Variants in NRXN3 observed in about 807,000 individuals in gnomAD.
NRXN3 encodes the protein neurexin III.
A neutral mutation model predicts 137.6 loss-of-function variants in NRXN3; 32 were observed. The ratio of observed to expected loss-of-function variants is 0.23; its 90% confidence interval spans 0.18 to 0.31. NRXN3 has a LOEUF of 0.31. Among genes scored for constraint, NRXN3 ranks in the 10% least tolerant of loss-of-function variants. The pLI is 1.00. For missense variants in NRXN3, 1,574 were observed against 2,062.5 expected (o/e 0.76, Z 4.59); for synonymous variants, 798 against 784.5 (o/e 1.02, Z -0.29).
At chr14:79,806,879 T>C (rs2099207917) in intron 20 of NRXN3, among the ~76,000 whole-genome samples, 1 of 143,638 alleles carries the variant, frequency 7.0e-6, no homozygotes, top group African/African-American at 2.5e-5. Flanking sequence ...CAATCCTCAA[T>C]ACGTACATTA....
At chr14:79,707,747 G>C (rs1010566713) in intron 19 of NRXN3, among the ~76,000 whole-genome samples, 2 of 152,110 alleles carry the variant, frequency 1.3e-5, no homozygotes, top group African/African-American at 4.8e-5. Context: ...AGAAAAGAAA[G>C]TTTTATTTTA....
At chr14:79,076,569 CTT>C (rs1411631103) in intron 15 of NRXN3, among the ~76,000 whole-genome samples, 1 of 152,128 alleles carries the variant, frequency 6.6e-6, no homozygotes, top group East Asian at 1.9e-4. Flanking sequence ...TAATAGCTGT[CTT>C]TGATTGAGGG....
intron 15 of NRXN3, among the ~76,000 whole-genome samples, chr14:79,452,505 T>C (rs557126494): frequency 6.6e-6 from 1 of 152,250 alleles, no homozygotes; most frequent in African/African-American, 2.4e-5. Context: ...CACAGCGTGA[T>C]TTTGTGAATA....
At position 79,829,601 on chromosome 14, in the gene NRXN3, G is replaced by A. The variant is rs547796788; in HGVS notation, c.4093+24411G>A. ...ATAAATGAATTGTTTAATTACCCACGCATGATCAATGTGTGCACTGCCATA... is the reference window on the plus strand; with the variant it reads ...ATAAATGAATTGTTTAATTACCCACACATGATCAATGTGTGCACTGCCATA... On this transcript the variant is annotated intron_variant, in intron 20 of 20. Coordinates refer to ENST00000335750, the MANE Select transcript of NRXN3 (RefSeq NM_001330195.2). Among the ~76,000 whole-genome samples the A allele has an allele frequency of 7.9e-5, 12 of 152,262 alleles. 1 individual carries two copies. The South Asian group carries it at 8.3e-4, about 11-fold the overall frequency.
chr14:79,743,872 A>T (rs2098970771), intron 19 of NRXN3, among the ~76,000 whole-genome samples: 1 of 152,198 alleles, frequency 6.6e-6, no homozygotes, highest in African/African-American at 2.4e-5. Context: ...GGCCCTCACT[A>T]GGAAAAATAT....
At chr14:79,291,171 C>T (rs2083129326) in intron 15 of NRXN3, among the ~76,000 whole-genome samples, 1 of 152,090 alleles carries the variant, frequency 6.6e-6, no homozygotes, top group African/African-American at 2.4e-5. Context: ...TTTCTTAAAA[C>T]AAACTTCTTA....
intron 5 of NRXN3, among the ~76,000 whole-genome samples, chr14:78,650,745 C>A (rs1227797706): frequency 1.3e-5 from 2 of 152,042 alleles, no homozygotes; most frequent in African/African-American, 4.8e-5. Context: ...AGACCAACCC[C>A]TAACAAATTT....
rs73327970 is a variant in NRXN3 at position 79,647,087 on chromosome 14, A to G, written c.3445-16691A>G. 1.1e-3 allele frequency among the ~76,000 whole-genome samples: 146 copies of G among 135,470 alleles called. 5 individuals carry two copies. The highest frequency in any genetic ancestry group is 3.3e-3 in the African/African-American group (136 of 40,854). The allele number at this position is 135,470 out of a possible 152,430, so 88.9% of individuals were successfully genotyped here. On this transcript the variant is annotated intron_variant, in intron 16 of 20. Transcript: ENST00000335750. The stretch of plus-strand genomic sequence containing the variant: ...TTTGCTGGTCCTTTCATCTATGTCT[A>G]TTTCTCAATTGGCTTGGATTTCACA...
At chr14:79,307,916 C>T (rs1276681479) in intron 15 of NRXN3, among the ~76,000 whole-genome samples, 2 of 152,016 alleles carry the variant, frequency 1.3e-5, no homozygotes, top group Admixed American at 1.3e-4. Context: ...AAATTTATTA[C>T]AGTTGTGGAA....
chr14:79,106,164 T>C (rs146849092), intron 15 of NRXN3, among the ~76,000 whole-genome samples: 1 of 152,216 alleles, frequency 6.6e-6, no homozygotes, highest in East Asian at 1.9e-4. Context: ...GTCTTTTCCA[T>C]GTTCTTGAGG....
Position 78,363,087 on chromosome 14 carries a change from C to A in NRXN3, c.757+65227C>A, listed in dbSNP as rs370182003. ...CTTCACCCACCTCATTTAGGGAATC[C>A]TTGAGTCGGGAAGGTCATTCCTGCT... On this transcript the variant is annotated intron_variant, in intron 4 of 20. Coordinates refer to ENST00000335750, the MANE Select transcript of NRXN3 (RefSeq NM_001330195.2). Among the ~76,000 whole-genome samples the A allele has an allele frequency of 4.5e-4, 69 of 152,306 alleles. No individual in the cohort carries two copies. In the East Asian group the frequency reaches 9.2e-3, roughly 20 times the overall value.
intron 15 of NRXN3, among the ~76,000 whole-genome samples, chr14:79,304,631 T>A (rs1442908854): frequency 1.3e-5 from 2 of 152,066 alleles, no homozygotes; most frequent in African/African-American, 4.8e-5. Context: ...TTCCTAGTTA[T>A]GTAATTATAA....
intron 15 of NRXN3, among the ~76,000 whole-genome samples, chr14:79,272,894 C>T (rs553337085): frequency 2.0e-5 from 3 of 152,050 alleles, no homozygotes; most frequent in East Asian, 3.9e-4. Context: ...GGGTGGGGGC[C>T]GGGTGCGGTG....
intron 15 of NRXN3, among the ~76,000 whole-genome samples, chr14:79,017,520 G>A (rs1341514754): frequency 6.6e-6 from 1 of 152,024 alleles, no homozygotes; most frequent in Non-Finnish European, 1.5e-5. Context: ...GGTTATTCAA[G>A]TGGCTTGGAG....
rs1389389602 is a variant in NRXN3, at chr14:79,128,388, C to G, written c.3262+140247C>G. Among the ~76,000 whole-genome samples the G allele has an allele frequency of 4.1e-3, 589 of 143,088 alleles. 8 individuals are homozygous for G. The highest frequency in any genetic ancestry group is 0.022 in the Admixed American group (303 of 13,808). 93.9% of individuals were successfully genotyped at this position (143,088 alleles called of 152,430 possible). A position where few individuals can be genotyped will look rare whatever the true frequency, so the allele number is the denominator to read the frequency against. ...TTTATTGAGAGTTTTTAGCATGAAGCGTTGTTGAATTTTGTCAAAGGCCTT... is the reference window on the plus strand; with the variant it reads ...TTTATTGAGAGTTTTTAGCATGAAGGGTTGTTGAATTTTGTCAAAGGCCTT... On this transcript the variant is annotated intron_variant, in intron 15 of 20. Transcript: ENST00000335750.
At chr14:78,523,188 A>T (rs1308174851) in intron 4 of NRXN3, among the ~76,000 whole-genome samples, 1 of 152,124 alleles carries the variant, frequency 6.6e-6, no homozygotes, top group Non-Finnish European at 1.5e-5. Flanking sequence ...GCTCTGAGGG[A>T]TCAGTTGGTT....
intron 15 of NRXN3, among the ~76,000 whole-genome samples, chr14:79,326,574 A>T (rs926352792): frequency 1.3e-5 from 2 of 152,184 alleles, no homozygotes; most frequent in Non-Finnish European, 2.9e-5. Context: ...TTCTCAGGAC[A>T]TGACACTTGA....
rs192060816 is a variant in NRXN3 at position 78,920,604 on chromosome 14, A to G, written c.2276-36638A>G. Among the ~76,000 whole-genome samples, 16 of 152,210 alleles carry G rather than the reference A, an allele frequency of 1.1e-4. No homozygotes were observed. The East Asian group carries it at 3.1e-3, about 30-fold the overall frequency. ...CCCAGGTTAAGGACTCAGTCTCACA[A>G]GACTTCTGCTACTCTAGACACCAGA... is the stretch of plus-strand genomic sequence containing the variant. On this transcript the variant is annotated intron_variant, in intron 10 of 20. Coordinates refer to ENST00000335750, the MANE Select transcript of NRXN3 (RefSeq NM_001330195.2).
chr14:79,325,767 T>A (rs1376421221), intron 15 of NRXN3, among the ~76,000 whole-genome samples: 1 of 152,204 alleles, frequency 6.6e-6, no homozygotes, highest in Non-Finnish European at 1.5e-5. Flanking sequence ...GTAGGCAACC[T>A]GTCACTTAGA....
Sources: allele counts gnomAD v4.1 joint callset (sites outside exome capture counted in the v4.1 genomes callset), GRCh38; gene constraint gnomAD v4.1.1; transcripts MANE v1.5; gene names NCBI Gene and HGNC (gene_info 2026-07-23, HGNC 2026-07-21).